PHACTR1: variants seen among roughly 807,000 people sequenced by gnomAD.
PHACTR1 encodes RPEL repeat containing 1.
PHACTR1 carries 16 observed loss-of-function variants against 69.2 expected under a neutral mutation model. That is an observed-to-expected ratio of 0.23 (90% CI 0.16 to 0.35). The LOEUF (loss-of-function observed/expected upper bound fraction) is 0.35, where lower values mean the gene tolerates loss of function less well. PHACTR1 is among the 10% of genes least tolerant of loss of function. The probability of loss-of-function intolerance (pLI) is 1.00; values close to 1 mark genes in which losing one functional copy is unlikely to be tolerated. For missense variants in PHACTR1, 510 were observed against 734.7 expected, an observed-to-expected ratio of 0.69 and a Z score of 3.54; for synonymous variants, 312 against 284.5, an observed-to-expected ratio of 1.10 and a Z score of -0.97.
chr6:13,215,412 G>A (rs989579237), intron 8 of PHACTR1, among the ~76,000 whole-genome samples: 4 of 152,214 alleles, frequency 2.6e-5, no homozygotes, highest in African/African-American at 9.6e-5. Context: ...GGAATAACCA[G>A]ATGGAGAGGA....
At chr6:12,844,384 A>G (rs1447011560) in intron 4 of PHACTR1, among the ~76,000 whole-genome samples, 1 of 152,114 alleles carries the variant, frequency 6.6e-6, no homozygotes, top group Non-Finnish European at 1.5e-5. Context: ...GTGACAGAGC[A>G]AGACCCTATC....
At chr6:13,122,539 C>T (rs1005971771) in intron 5 of PHACTR1, among the ~76,000 whole-genome samples, 3 of 152,144 alleles carry the variant, frequency 2.0e-5, no homozygotes, top group African/African-American at 7.2e-5. Flanking sequence ...AGGACTTTCC[C>T]GCTAGAATGA....
chr6:12,971,223 C>T (rs1794157382), intron 4 of PHACTR1, among the ~76,000 whole-genome samples: 1 of 152,184 alleles, frequency 6.6e-6, no homozygotes, highest in Non-Finnish European at 1.5e-5. Flanking sequence ...TGTTTCTTCT[C>T]TGATTCCATC....
intron 4 of PHACTR1, among the ~76,000 whole-genome samples, chr6:12,987,797 A>T (rs563541523): frequency 2.7e-4 from 41 of 152,352 alleles, no homozygotes; most frequent in African/African-American, 9.9e-4. Flanking sequence ...TTGCTAGAAT[A>T]AGATGGAAGG....
rs143630682 is a variant in PHACTR1 at position 12,732,151 on chromosome 6, C to T, written c.103+13304C>T. Among the ~76,000 whole-genome samples the T allele has an allele frequency of 2.5e-3, 373 of 152,018 alleles. 5 individuals are homozygous for T. The highest frequency in any genetic ancestry group is 8.0e-3 in the African/African-American group (331 of 41,468). ...CGATACACATAACTTGTTTTTCCCTCTCACTACCAATGCAACATATAGTAA... is the reference window on the plus strand; with the variant it reads ...CGATACACATAACTTGTTTTTCCCTTTCACTACCAATGCAACATATAGTAA... On this transcript the variant is annotated intron_variant, in intron 3 of 14. Transcript: ENST00000332995.
intron 4 of PHACTR1, 139 bp downstream of exon 4, chr6:12,749,929 C>G: frequency 1.2e-6 from 1 of 806,158 alleles, no homozygotes; most frequent in Non-Finnish European, 1.9e-6. Flanking sequence ...TTTGTGTCTC[C>G]GGTGCGCAGA....
intron 4 of PHACTR1, among the ~76,000 whole-genome samples, chr6:12,801,563 G>A (rs1158265734): frequency 6.6e-6 from 1 of 152,146 alleles, no homozygotes; most frequent in Non-Finnish European, 1.5e-5. Context: ...GGTATGGATG[G>A]CAGAAGGGGG....
intron 3 of PHACTR1, among the ~76,000 whole-genome samples, chr6:12,719,416 T>C (rs1180261807): frequency 2.0e-5 from 3 of 152,236 alleles, no homozygotes; most frequent in Non-Finnish European, 4.4e-5. Context: ...AGGTTCCAGT[T>C]TTCTTGCCCT....
At position 12,749,757 on chromosome 6, in the gene PHACTR1, G is replaced by T; in HGVS notation, c.217G>T (p.Ala73Ser). 1 of 1,610,812 alleles carries T rather than the reference G, an allele frequency of 6.2e-7. No individual in the cohort carries two copies. Among genetic ancestry groups the T allele is most frequent in the Non-Finnish European group, 8.5e-7 (1 of 1,179,318 alleles). Reference protein sequence around the residue: ...VRSKSDTPYLAEARISFNLGA... With the variant: ...VRSKSDTPYLSEARISFNLGA... ...CTCCAAGAGCGACACGCCGTACCTC[G>T]CAGAGGCCAGGATCTCCTTTAACCT... Residue 73 changes from alanine (A) to serine (S), a missense_variant, in exon 4 of 15, where the codon GCA (alanine) becomes TCA (serine). This residue lies in a region of PHACTR1 where 419 missense variants were observed against 530.9 expected (regional missense o/e 0.79). Transcript: ENST00000332995.
chr6:13,259,824 T>G (rs1028092781), intron 10 of PHACTR1, among the ~76,000 whole-genome samples: 1 of 152,158 alleles, frequency 6.6e-6, no homozygotes, highest in Non-Finnish European at 1.5e-5. Context: ...TGTTCTTAGC[T>G]TAAGGGGAAT....
rs929484945 is a variant in PHACTR1, at chr6:13,072,164, A to C, written c.415+18635A>C. 6.6e-5 allele frequency among the ~76,000 whole-genome samples: 10 copies of C among 152,324 alleles called. No homozygotes were observed. In the East Asian group the frequency reaches 1.9e-3, roughly 29 times the overall value. ...AGGTCAGATATTTACAAGGATACTC[A>C]TAATAACGTGCCATTCCCCAGTGCC... On this transcript the variant is annotated intron_variant, in intron 5 of 14. Transcript: ENST00000332995.
intron 4 of PHACTR1, among the ~76,000 whole-genome samples, chr6:12,925,350 G>A (rs895552316): frequency 6.6e-6 from 1 of 152,158 alleles, no homozygotes; most frequent in Non-Finnish European, 1.5e-5. Context: ...AGGTCAGCAA[G>A]TCTTAATATT....
intron 4 of PHACTR1, among the ~76,000 whole-genome samples, chr6:12,764,696 A>G (rs1768404166): frequency 6.6e-6 from 1 of 152,186 alleles, no homozygotes. Context: ...GAGGCTGTAC[A>G]GTCAGGAGCA....
At chr6:12,934,212 G>A (rs1348742048) in intron 4 of PHACTR1, among the ~76,000 whole-genome samples, 1 of 152,148 alleles carries the variant, frequency 6.6e-6, no homozygotes, top group Non-Finnish European at 1.5e-5. Context: ...CTCTCTATGT[G>A]TTCACATTAT....
At chr6:12,891,187 G>A (rs1784137077) in intron 4 of PHACTR1, among the ~76,000 whole-genome samples, 1 of 151,784 alleles carries the variant, frequency 6.6e-6, no homozygotes, top group Non-Finnish European at 1.5e-5. Flanking sequence ...TTTCTTGGGG[G>A]GATAATATCA....
chr6:13,167,373 G>T (rs1380768195), intron 6 of PHACTR1, among the ~76,000 whole-genome samples: 1 of 152,196 alleles, frequency 6.6e-6, no homozygotes, highest in Non-Finnish European at 1.5e-5. Flanking sequence ...TATGGTATGG[G>T]TATGTGTAAT....
chr6:13,053,760 C>T (rs1222599417), intron 5 of PHACTR1, among the ~76,000 whole-genome samples: 1 of 152,172 alleles, frequency 6.6e-6, no homozygotes, highest in African/African-American at 2.4e-5. Flanking sequence ...AAAGAACCAC[C>T]CTTTTAATTT....
intron 4 of PHACTR1, among the ~76,000 whole-genome samples, chr6:12,844,137 A>T (rs1476281762): frequency 1.3e-5 from 2 of 152,156 alleles, no homozygotes; most frequent in African/African-American, 4.8e-5. Flanking sequence ...GCTCATACCT[A>T]TAATCCCAGC....
intron 5 of PHACTR1, among the ~76,000 whole-genome samples, chr6:13,129,534 T>C (rs567922994): frequency 6.6e-6 from 1 of 152,068 alleles, no homozygotes; most frequent in Admixed American, 6.6e-5. Context: ...AAACAGACTT[T>C]AAAGCAACAA....
Sources: gnomAD v4.1 joint callset for allele counts (sites outside exome capture counted in the v4.1 genomes callset) on GRCh38, gnomAD v4.1.1 for gene constraint, gnomAD v4.1.1 regional missense constraint, MANE v1.5 for transcripts, NCBI Gene and HGNC (gene_info 2026-07-23, HGNC 2026-07-21) for gene names.